The following TUBGCP5 variants were observed in gnomAD, a reference collection of about 807,000 sequenced individuals.
TUBGCP5 encodes the protein tubulin gamma complex component 5, also known as gamma-tubulin complex component 5.
TUBGCP5 carries 98 observed loss-of-function variants against 134.7 expected under a neutral mutation model. The observed-to-expected ratio is 0.73, with a 90% confidence interval of 0.62 to 0.86. TUBGCP5 has a LOEUF of 0.86. Among genes scored for constraint, TUBGCP5 ranks in the 40% least tolerant of loss-of-function variants. The pLI is 0.00. For missense variants in TUBGCP5, 1,150 were observed against 1,244.8 expected, an observed-to-expected ratio of 0.92 and a Z score of 1.15; for synonymous variants, 456 against 431.4, an observed-to-expected ratio of 1.06 and a Z score of -0.71.
rs4778301 is a variant in TUBGCP5, at chr15:23,039,548, C to T, written c.-5G>A. ...CGGTGGCCCGTGCCGCGCCATGTTC[C>T]GCGCTCCTGCAGCGCGCGTCTAACG... On this transcript the variant is annotated 5_prime_UTR_variant, in exon 1 of 23. Coordinates refer to ENST00000615383, the MANE Select transcript of TUBGCP5 (RefSeq NM_052903.6). 5.5e-6 allele frequency: 8 copies of T among 1,445,360 alleles called. No individual in the cohort carries two copies. The East Asian group carries it at 1.4e-4, about 26-fold the overall frequency. 89.5% of individuals were successfully genotyped at this position (1,445,360 alleles called of 1,614,324 possible).
At position 23,008,804 on chromosome 15, in the gene TUBGCP5, G is replaced by A; in HGVS notation, c.2222C>T (p.Ser741Leu). 2.5e-6 allele frequency: 4 copies of A among 1,602,830 alleles called. No individual in the cohort carries two copies. The highest frequency in any genetic ancestry group is 3.4e-6 in the Non-Finnish European group (4 of 1,177,508). The change falls in exon 16 of 23, where the codon TCA (serine) becomes TTA (leucine). Residue 741 changes from serine (S) to leucine (L), a missense_variant. By Grantham distance (145) the Ser-to-Leu change is moderately radical (BLOSUM62 -2). Around this residue, in one of 2 missense-constraint regions of TUBGCP5, gnomAD observed 697 missense variants for 850.1 expected, o/e 0.82. Transcript: ENST00000615383. ...GGDTMYDFYT[S>L]IFDKIREKET... ...CTTTTCTCTTATTTTATCAAAAATT[G>A]ACGTGTAGAAGTCATACATGGTATC...
intron 5 of TUBGCP5, 135 bp downstream of exon 5, chr15:23,031,815 A>G (rs984859766): frequency 1.8e-6 from 1 of 545,960 alleles, no homozygotes; most frequent in Admixed American, 3.5e-5. Context: ...TCAGTCTTCC[A>G]TAATAAATGA....
Position 23,024,593 on chromosome 15 carries a change from A to G in TUBGCP5, c.921+144T>C, listed in dbSNP as rs2065888427. The G allele has an allele frequency of 5.5e-6, 3 of 543,052 alleles. No homozygotes were observed. The East Asian group carries it at 9.8e-5, about 18-fold the overall frequency. The allele number at this position is 543,052 out of a possible 1,614,324, so 33.6% of individuals were successfully genotyped here. A position where few individuals can be genotyped will look rare whatever the true frequency, so the allele number is the denominator to read the frequency against. On this transcript the variant is annotated intron_variant, in intron 9 of 22. Transcript: ENST00000615383. ...CTCAATTTTTCTTTTTGGATATTAA[A>G]TATTTTTAAGTTAGCTTTTTTTTGC...
rs1008789968 is a variant in TUBGCP5, at chr15:23,013,077, G to A, written c.1757-1746C>T. Among the ~76,000 whole-genome samples the A allele has an allele frequency of 6.7e-6, 1 of 150,202 alleles. No homozygotes were observed. The highest frequency in any genetic ancestry group is 2.5e-5 in the African/African-American group (1 of 40,672). ...GAGATCATGCCACTGCACTCCAGTC[G>A]CCAGCAAGGTGGCTGCCTGGAGACG... is the stretch of plus-strand genomic sequence containing the variant. On this transcript the variant is annotated intron_variant, in intron 13 of 22. Coordinates refer to ENST00000615383, the MANE Select transcript of TUBGCP5 (RefSeq NM_052903.6). This position sits in a 1 kb window ranked among gnomAD's most constrained non-coding sequence, Gnocchi z 4.5.
At chr15:23,009,253 C>G (rs972267773) in intron 15 of TUBGCP5, among the ~76,000 whole-genome samples, 3 of 151,612 alleles carry the variant, frequency 2.0e-5, no homozygotes, top group Non-Finnish European at 4.4e-5. Flanking sequence ...TATTATATCT[C>G]CTGCTTTTTA....
intron 3 of TUBGCP5, among the ~76,000 whole-genome samples, chr15:23,033,435 C>T (rs1269861357): frequency 3.3e-5 from 5 of 152,076 alleles, no homozygotes; most frequent in African/African-American, 9.7e-5. Flanking sequence ...CGCACCACCA[C>T]GCCCGGGTAA....
Position 23,013,776 on chromosome 15 carries a change from C to T in TUBGCP5, c.1757-2445G>A, listed in dbSNP as rs893166945. 6.6e-6 allele frequency among the ~76,000 whole-genome samples: 1 copy of T among 152,172 alleles called. No homozygotes were observed. Among genetic ancestry groups the T allele is most frequent in the African/African-American group, 2.4e-5 (1 of 41,440 alleles). On this transcript the variant is annotated intron_variant, in intron 13 of 22. Coordinates refer to ENST00000615383, the MANE Select transcript of TUBGCP5 (RefSeq NM_052903.6). This position sits in a 1 kb window ranked among gnomAD's most constrained non-coding sequence, Gnocchi z 4.5. ...TTAGGGGCACAAGGTGTGCCTTCCCCACCCACCCCTTTGAGCCAAGCTGTT... is the reference window on the plus strand; with the variant it reads ...TTAGGGGCACAAGGTGTGCCTTCCCTACCCACCCCTTTGAGCCAAGCTGTT...
intron 7 of TUBGCP5, 101 bp downstream of exon 7, chr15:23,027,091 T>A: frequency 1.1e-6 from 1 of 931,960 alleles, no homozygotes; most frequent in Non-Finnish European, 1.6e-6. Context: ...CAAAAACAAG[T>A]TTAAATTTCA....
chr15:23,003,212 C>T, intron 20 of TUBGCP5, 59 bp from the exon 21 acceptor site: 2 of 1,483,614 alleles, frequency 1.3e-6, no homozygotes, highest in South Asian at 1.1e-5. Context: ...CTGATACCAA[C>T]ACTTTTACCT....
intron 4 of TUBGCP5, 66 bp from the exon 5 acceptor site, chr15:23,032,095 T>A: frequency 1.6e-6 from 2 of 1,245,954 alleles, no homozygotes; most frequent in Admixed American, 4.3e-5. Flanking sequence ...ACCTCAAAAC[T>A]AAGGAAAAAA....
At position 23,005,537 on chromosome 15, in the gene TUBGCP5, G is replaced by A. The variant is rs570717920; in HGVS notation, c.2607C>T (p.Phe869=). Residue 869 remains phenylalanine (F), a synonymous_variant, in exon 19 of 23, where the codon TTC becomes TTT. Transcript: ENST00000615383. ...LIHEQDTVAQ[F]GPQKEPVRQQ... is the part of the protein sequence containing the mutation. ...GTCTTACTGGTTCTTTTTGTGGTCC[G>A]AACTGAGCAACTGTGTCTTGTTCAT... 9 of 1,614,154 alleles carry A rather than the reference G, an allele frequency of 5.6e-6. No homozygotes were observed. The highest frequency in any genetic ancestry group is 2.2e-5 in the East Asian group (1 of 44,888).
At chr15:23,029,345 C>T (rs1279180911) in intron 6 of TUBGCP5, among the ~76,000 whole-genome samples, 1 of 152,112 alleles carries the variant, frequency 6.6e-6, no homozygotes, top group Non-Finnish European at 1.5e-5. Flanking sequence ...CTTCAGCCTC[C>T]CAGGTAGCTG....
intron 13 of TUBGCP5, among the ~76,000 whole-genome samples, 181 bp from the exon 14 acceptor site, chr15:23,011,512 T>C (rs1212018963): frequency 2.0e-5 from 3 of 148,524 alleles, no homozygotes; most frequent in Non-Finnish European, 3.0e-5. Flanking sequence ...CAAAATAATA[T>C]ATATTTTTTG....
intron 23 of TUBGCP5, among the ~76,000 whole-genome samples, chr15:22,989,123 G>A (rs896995463): frequency 5.3e-5 from 8 of 152,066 alleles, no homozygotes; most frequent in African/African-American, 7.2e-5. Flanking sequence ...GCAGGGTAAC[G>A]TCTCTATCTC....
rs2065162478 is a variant in TUBGCP5 at position 23,013,648 on chromosome 15, C to T, written c.1757-2317G>A. Among the ~76,000 whole-genome samples the T allele has an allele frequency of 6.6e-6, 1 of 152,180 alleles. No homozygotes were observed. The stretch of plus-strand genomic sequence containing the variant: ...AGCAGAAGAAACCCACCAGCCCCCA[C>T]AAACACCTACAGTCATTACTACAGG... On this transcript the variant is annotated intron_variant, in intron 13 of 22. Coordinates refer to ENST00000615383, the MANE Select transcript of TUBGCP5 (RefSeq NM_052903.6). This position sits in a 1 kb window ranked among gnomAD's most constrained non-coding sequence, Gnocchi z 4.5.
intron 1 of TUBGCP5, among the ~76,000 whole-genome samples, chr15:23,037,876 T>C (rs747575663): frequency 5.3e-5 from 8 of 152,194 alleles, no homozygotes; most frequent in Admixed American, 2.0e-4. Context: ...GCCATTCTCC[T>C]GCCTCAGCCT....
At chr15:22,996,288 G>A (rs1240165329), downstream of TUBGCP5, among the ~76,000 whole-genome samples, 1 of 152,102 alleles carries the variant, frequency 6.6e-6, no homozygotes, top group African/African-American at 2.4e-5. Context: ...GCCAGAGGCT[G>A]TGGTGCTCGT....
At chr15:22,993,923 C>T (rs1372887359) in intron 23 of TUBGCP5, among the ~76,000 whole-genome samples, 2 of 152,068 alleles carry the variant, frequency 1.3e-5, no homozygotes, top group African/African-American at 4.8e-5. Context: ...TCAAGCGATT[C>T]GCCTGCCTCG....
At chr15:23,032,241 G>A (rs1228215664) in intron 4 of TUBGCP5, among the ~76,000 whole-genome samples, 1 of 152,112 alleles carries the variant, frequency 6.6e-6, no homozygotes, top group Non-Finnish European at 1.5e-5. Flanking sequence ...ACAGCTGAAG[G>A]TAGTTTGTAA....
Sources: allele counts gnomAD v4.1 joint callset (sites outside exome capture counted in the v4.1 genomes callset), GRCh38; gene constraint gnomAD v4.1.1; regional missense constraint gnomAD v4.1.1; non-coding constraint Gnocchi (gnomAD v3.1); transcripts MANE v1.5; gene names NCBI Gene and HGNC (gene_info 2026-07-23, HGNC 2026-07-21).